Variants in UBXN7 observed in about 807,000 individuals in gnomAD.
UBXN7 encodes the protein UBX domain protein 7, also known as UBX domain-containing protein 7.
Under a neutral mutation model 58.0 loss-of-function variants are expected in UBXN7, and 9 were observed. The ratio of observed to expected loss-of-function variants is 0.16; its 90% CI spans 0.09 to 0.27. The LOEUF (loss-of-function observed/expected upper bound fraction) is 0.27, where lower values mean the gene tolerates loss of function less well. Among genes scored for constraint, UBXN7 ranks in the 10% least tolerant of loss-of-function variants. UBXN7 has a pLI of 1.00. For synonymous variants in UBXN7, 208 were observed against 205.0 expected (o/e 1.01, Z -0.12); for missense variants, 328 against 599.6 (o/e 0.55, Z 4.73).
chr3:196,425,416 C>T (rs1306124874), intron 1 of UBXN7, among the ~76,000 whole-genome samples: 1 of 151,948 alleles, frequency 6.6e-6, no homozygotes, highest in Non-Finnish European at 1.5e-5. Flanking sequence ...AGATGTAACT[C>T]CTTTTTTAAT....
At chr3:196,381,613 G>T (rs566729278) in intron 5 of UBXN7, among the ~76,000 whole-genome samples, 1 of 152,160 alleles carries the variant, frequency 6.6e-6, no homozygotes, top group African/African-American at 2.4e-5. Flanking sequence ...TGCCAGCAAC[G>T]GAACAACGCT....
At chr3:196,388,231 G>T (rs1338087567) in intron 5 of UBXN7, among the ~76,000 whole-genome samples, 2 of 147,874 alleles carry the variant, frequency 1.4e-5, no homozygotes, top group African/African-American at 5.0e-5. Flanking sequence ...CTCACAGGTG[G>T]GTATTGAACA....
At chr3:196,380,380 A>G (rs2108838813) in intron 5 of UBXN7, among the ~76,000 whole-genome samples, 1 of 152,338 alleles carries the variant, frequency 6.6e-6, no homozygotes, top group South Asian at 2.1e-4. Context: ...GACAAGGGCA[A>G]GCAAGACCTA....
chr3:196,403,098 T>C lies in UBXN7; in HGVS notation c.222-79A>G, dbSNP rs953528566. 17 of 1,351,670 alleles carry C rather than the reference T, an allele frequency of 1.3e-5. No individual in the cohort carries two copies. The African/African-American group carries it at 1.6e-4, about 13-fold the overall frequency. 83.7% of individuals were successfully genotyped at this position (1,351,670 alleles called of 1,614,324 possible). A position where few individuals can be genotyped will look rare whatever the true frequency, so the allele number is the denominator to read the frequency against. On this transcript the variant is annotated intron_variant, in intron 2 of 10. Transcript: ENST00000296328. Reference sequence around the variant, plus strand: ...TTGCTTTCTGTAAATACTGTGAATATATTCAAATTAACGTAGTGACTTTTA... The same window carrying C: ...TTGCTTTCTGTAAATACTGTGAATACATTCAAATTAACGTAGTGACTTTTA...
intron 1 of UBXN7, chr3:196,414,807 T>C (rs1378815146): frequency 6.6e-6 from 1 of 152,156 alleles, no homozygotes; most frequent in South Asian, 2.1e-4. Context: ...ACTTTTCTCA[T>C]CCCAGTTACA....
At chr3:196,412,354 A>T (rs751444538) in intron 1 of UBXN7, among the ~76,000 whole-genome samples, 5 of 152,288 alleles carry the variant, frequency 3.3e-5, no homozygotes, top group Middle Eastern at 3.4e-3. Context: ...CTAGAAACGC[A>T]AATAGTTGAC....
chr3:196,426,513 G>A (rs1336165978), intron 1 of UBXN7, among the ~76,000 whole-genome samples: 1 of 151,654 alleles, frequency 6.6e-6, no homozygotes, highest in East Asian at 1.9e-4. Flanking sequence ...CTTAATCATA[G>A]TTTAATATTA....
At chr3:196,404,545 A>C (rs1285976666) in intron 2 of UBXN7, among the ~76,000 whole-genome samples, 1 of 137,126 alleles carries the variant, frequency 7.3e-6, no homozygotes, top group Non-Finnish European at 1.7e-5. Flanking sequence ...TACAGGCGTG[A>C]GCCACCGCGC....
intron 2 of UBXN7, among the ~76,000 whole-genome samples, chr3:196,404,634 C>G (rs757246071): frequency 6.6e-6 from 1 of 152,032 alleles, no homozygotes; most frequent in South Asian, 2.1e-4. Flanking sequence ...TGTTGGAACT[C>G]CAAAACATCC....
rs1401229918 is a variant in UBXN7, at chr3:196,407,377, T to C, written c.90A>G (p.Val30=). Residue 30 remains valine, a synonymous_variant, in exon 2 of 11, where the codon GTA becomes GTG. Coordinates refer to ENST00000296328, the MANE Select transcript of UBXN7 (RefSeq NM_015562.2). ...TGCACGCTTCAAGCATATGTTTTCCTACACTTTCACTTGCACCTGAAACAG... is the reference window on the plus strand; with the variant it reads ...TGCACGCTTCAAGCATATGTTTTCCCACACTTTCACTTGCACCTGAAACAG... ...FTTITGASES[V]GKHMLEACNN... 2 of 1,605,296 alleles carry C rather than the reference T, an allele frequency of 1.2e-6. No individual in the cohort carries two copies. The highest frequency in any genetic ancestry group is 1.7e-6 in the Non-Finnish European group (2 of 1,176,892).
rs1461289490 is a variant in UBXN7, at chr3:196,369,474, T to C, written c.653A>G (p.Gln218Arg). ...GGGGAAATCCCCTAACTTATAAAACTGTATGTATCTCTGACCTTCCTCACT... is the reference window on the plus strand; with the variant it reads ...GGGGAAATCCCCTAACTTATAAAACCGTATGTATCTCTGACCTTCCTCACT... ...HDSEEGQRYI[Q>R]FYKLGDFPYV... is the part of the protein sequence containing the mutation. Residue 218 changes from glutamine (Q) to arginine (R), a missense_variant, in exon 7 of 11, where the codon CAG becomes CGG. This residue lies in a region of UBXN7 where 126 missense variants were observed against 302.6 expected (regional missense o/e 0.42). Transcript: ENST00000296328. 3.1e-6 allele frequency: 5 copies of C among 1,613,502 alleles called. No individual in the cohort carries two copies. The highest frequency in any genetic ancestry group is 4.2e-6 in the Non-Finnish European group (5 of 1,179,688).
rs1276883632 is a variant in UBXN7 at position 196,362,495 on chromosome 3, T to C, written c.1027A>G (p.Asn343Asp). ...CGSDEEEEVENLAKSRKSPHK... is the reference protein window; with the variant it reads ...CGSDEEEEVEDLAKSRKSPHK... Reference sequence around the variant, plus strand: ...GGAGACTTTCTGGACTTGGCAAGATTCTCTACCTCTTCTTCTTCATCAGAG... The same window carrying C: ...GGAGACTTTCTGGACTTGGCAAGATCCTCTACCTCTTCTTCTTCATCAGAG... The change falls in exon 9 of 11, where the codon AAT becomes GAT. Residue 343 changes from asparagine to aspartate, a missense_variant. By Grantham distance (23) the Asn-to-Asp change is conservative. Transcript: ENST00000296328. The C allele has an allele frequency of 1.2e-6, 2 of 1,614,164 alleles. No individual in the cohort carries two copies. The highest frequency in any genetic ancestry group is 1.7e-5 in the Admixed American group (1 of 60,014).
In UBXN7 at chr3:196,351,930, T is replaced by C. The variant is rs528734428; in HGVS notation, c.*4755A>G. The C allele has an allele frequency of 2.0e-5, 3 of 152,258 alleles. No individual in the cohort carries two copies. The highest frequency in any genetic ancestry group is 7.2e-5 in the African/African-American group (3 of 41,544). The allele number at this position is 152,258 out of a possible 1,614,324, so 9.4% of individuals were successfully genotyped here. A position where few individuals can be genotyped will look rare whatever the true frequency, so the allele number is the denominator to read the frequency against. ...AGGAATCTTTACTCCGGGGGATCAATAGTGAGATCCCCGCAAGCTAGGAAT... is the reference window on the plus strand; with the variant it reads ...AGGAATCTTTACTCCGGGGGATCAACAGTGAGATCCCCGCAAGCTAGGAAT... On this transcript the variant is annotated 3_prime_UTR_variant, in exon 11 of 11. Coordinates refer to ENST00000296328, the MANE Select transcript of UBXN7 (RefSeq NM_015562.2).
At chr3:196,384,155 G>C (rs574270938) in intron 5 of UBXN7, among the ~76,000 whole-genome samples, 1 of 152,270 alleles carries the variant, frequency 6.6e-6, no homozygotes, top group East Asian at 1.9e-4. Context: ...ACTACCACCA[G>C]AGAATACTAT....
intron 5 of UBXN7, among the ~76,000 whole-genome samples, chr3:196,382,844 A>C (rs180676807): frequency 6.6e-6 from 1 of 152,114 alleles, no homozygotes; most frequent in Admixed American, 6.6e-5. Flanking sequence ...GGCCGGGCAC[A>C]ATGGCTCATG....
At chr3:196,367,379 TA>T in intron 8 of UBXN7, among the ~76,000 whole-genome samples, 1 of 152,170 alleles carries the variant, frequency 6.6e-6, no homozygotes, top group African/African-American at 2.4e-5. Flanking sequence ...AGTATAGAAG[TA>T]AATTCTAGGA....
intron 2 of UBXN7, among the ~76,000 whole-genome samples, chr3:196,405,494 AAAAG>A (rs1208890435): frequency 8.5e-4 from 129 of 151,954 alleles, no homozygotes; most frequent in African/African-American, 2.9e-3. Context: ...AAAAGAAAAA[AAAAG>A]AAAGAAAGAA....
chr3:196,356,859 G>A lies in UBXN7; in HGVS notation c.1309-13C>T, dbSNP rs1378620654. On this transcript the variant is annotated splice_polypyrimidine_tract_variant and intron_variant, in intron 10 of 10. Transcript: ENST00000296328. ...GCTTCACCAAAGCCTATAAAAACAA[G>A]AGAAAGACAAAGCCATTAGACGGAA... The A allele has an allele frequency of 6.3e-7, 1 of 1,596,200 alleles. No homozygotes were observed. The highest frequency in any genetic ancestry group is 1.4e-5 in the African/African-American group (1 of 73,608).
At chr3:196,430,752 T>C (rs1237106988) in intron 1 of UBXN7, among the ~76,000 whole-genome samples, 1 of 152,178 alleles carries the variant, frequency 6.6e-6, no homozygotes. Context: ...CACTTCTCTA[T>C]CAGATTCACT....
Sources: allele counts gnomAD v4.1 joint callset (sites outside exome capture counted in the v4.1 genomes callset), GRCh38; gene constraint gnomAD v4.1.1; regional missense constraint gnomAD v4.1.1; transcripts MANE v1.5; gene names NCBI Gene and HGNC (gene_info 2026-07-23, HGNC 2026-07-21).